The following LYRM4 variants were observed in gnomAD, a reference collection of about 807,000 sequenced individuals.
LYRM4 encodes the protein LYR motif-containing protein 4.
LYRM4 carries 9 observed loss-of-function variants against 11.7 expected under a neutral mutation model. The observed-to-expected ratio is 0.77, with a 90% CI of 0.46 to 1.34. The LOEUF (loss-of-function observed/expected upper bound fraction) is 1.34. Ranked by LOEUF, LYRM4 falls within the 40% of genes most tolerant of loss-of-function variation. The pLI is 0.00. For missense variants in LYRM4, 133 were observed against 112.5 expected (o/e 1.18, Z -0.82); for synonymous variants, 42 against 40.4 (o/e 1.04, Z -0.15).
intron 1 of LYRM4, among the ~76,000 whole-genome samples, chr6:5,222,183 T>G (rs1762619926): frequency 6.6e-6 from 1 of 152,216 alleles, no homozygotes; most frequent in Non-Finnish European, 1.5e-5. Flanking sequence ...ACTGTATGTG[T>G]CTGGTACAGA....
the LYRM4 span, chr6:5,065,884 G>T: frequency 8.4e-6 from 2 of 237,984 alleles, no homozygotes; most frequent in East Asian, 2.1e-4. Flanking sequence ...GAAGTCTTGA[G>T]GGTACATGTT....
rs570242418 is a variant in LYRM4, at chr6:5,122,632, C to A, written c.208-13141G>T. On this transcript the variant is annotated intron_variant, in intron 2 of 2. Transcript: ENST00000330636. ...CGTTGGGCTCCCTCCTCTCGCCGAC[C>A]CAGTGCTTTCCAGAAGTTTCTCTTG... Among the ~76,000 whole-genome samples the A allele has an allele frequency of 1.2e-4, 18 of 152,278 alleles. No homozygotes were observed. The South Asian group carries it at 1.7e-3, about 14-fold the overall frequency.
At chr6:5,085,525 G>A in the LYRM4 span, 2 of 1,538,694 alleles carry the variant, frequency 1.3e-6, no homozygotes, top group Non-Finnish European at 1.7e-6. Context: ...GGAGGCGCCG[G>A]GACCAGCGCC....
At chr6:5,070,054 T>C in the LYRM4 span, among the ~76,000 whole-genome samples, 1 of 152,258 alleles carries the variant, frequency 6.6e-6, no homozygotes, top group African/African-American at 2.4e-5. Context: ...TCAATGTTCA[T>C]AATGGAGCAA....
Position 5,108,524 on chromosome 6 carries a change from A to G in LYRM4, c.*899T>C, listed in dbSNP as rs1762734787. On this transcript the variant is annotated 3_prime_UTR_variant, in exon 3 of 3. Coordinates refer to ENST00000330636, the MANE Select transcript of LYRM4 (RefSeq NM_020408.6). ...AGTGGGAGAGCTTCAGAATAGAGAA[A>G]AATGACTGTGCCTCACCCCTCACTT... is the stretch of plus-strand genomic sequence containing the variant. The G allele has an allele frequency of 1.6e-6, 1 of 614,384 alleles. No homozygotes were observed. The highest frequency in any genetic ancestry group is 7.2e-5 in the South Asian group (1 of 13,968). 38.1% of individuals were successfully genotyped at this position (614,384 alleles called of 1,614,324 possible).
chr6:5,086,021 G>A, the LYRM4 span: 3 of 1,496,494 alleles, frequency 2.0e-6, no homozygotes, highest in Non-Finnish European at 2.7e-6. Flanking sequence ...CAGCTCGGGG[G>A]GCTGCTGGCC....
chr6:5,234,398 T>C (rs1581568963), intron 1 of LYRM4, among the ~76,000 whole-genome samples: 3 of 152,338 alleles, frequency 2.0e-5, no homozygotes, highest in Admixed American at 1.3e-4. Context: ...CCTTAGGCTA[T>C]AAGGATTCAA....
At chr6:5,221,498 G>T (rs1171915000) in intron 1 of LYRM4, among the ~76,000 whole-genome samples, 1 of 152,124 alleles carries the variant, frequency 6.6e-6, no homozygotes, top group Non-Finnish European at 1.5e-5. Flanking sequence ...TTTGAGACCA[G>T]CCTGGTCAAC....
the LYRM4 span, among the ~76,000 whole-genome samples, chr6:5,071,049 G>A: frequency 5.2e-4 from 79 of 151,924 alleles, no homozygotes; most frequent in Non-Finnish European, 7.7e-4. Context: ...TTACCTGGGC[G>A]TGGTAGCGGG....
the LYRM4 span, among the ~76,000 whole-genome samples, chr6:5,075,825 A>G: frequency 6.6e-6 from 1 of 152,240 alleles, no homozygotes; most frequent in East Asian, 1.9e-4. Context: ...AAATGGAAAG[A>G]TATTTGCACT....
intron 2 of LYRM4, chr6:5,136,547 T>C (rs1757111857): frequency 6.2e-6 from 6 of 964,732 alleles, no homozygotes; most frequent in Non-Finnish European, 7.4e-6. Flanking sequence ...CAATTTTACA[T>C]AAGTTAGATG....
chr6:5,235,601 C>T (rs1221043604), intron 1 of LYRM4, among the ~76,000 whole-genome samples: 1 of 152,122 alleles, frequency 6.6e-6, no homozygotes, highest in Non-Finnish European at 1.5e-5. Context: ...TTTACATATA[C>T]CTCCAATTAT....
chr6:5,198,849 A>T (rs1438765180), intron 2 of LYRM4, among the ~76,000 whole-genome samples: 1 of 152,188 alleles, frequency 6.6e-6, no homozygotes, highest in African/African-American at 2.4e-5. Context: ...TAAAAGGTAT[A>T]TCTTACACCA....
At chr6:5,107,674 G>A (rs1333727533), downstream of LYRM4, 1 of 152,220 alleles carries the variant, frequency 6.6e-6, no homozygotes, top group Non-Finnish European at 1.5e-5. Context: ...GAACTGGTTA[G>A]AGGGTAAGAG....
intron 2 of LYRM4, among the ~76,000 whole-genome samples, chr6:5,205,177 A>G (rs1400855057): frequency 1.3e-5 from 2 of 152,200 alleles, no homozygotes; most frequent in Non-Finnish European, 2.9e-5. Context: ...GCAAAGTCAC[A>G]ATAAAGTGTG....
At chr6:5,178,984 A>T (rs1020618918) in intron 2 of LYRM4, among the ~76,000 whole-genome samples, 3 of 150,236 alleles carry the variant, frequency 2.0e-5, no homozygotes, top group Middle Eastern at 3.4e-3. Context: ...TTAGAAAATG[A>T]TCTATAGGCC....
intron 2 of LYRM4, among the ~76,000 whole-genome samples, chr6:5,119,241 G>C (rs1028420091): frequency 1.3e-5 from 2 of 152,102 alleles, no homozygotes; most frequent in Non-Finnish European, 2.9e-5. Context: ...CCACTATCCC[G>C]TGTCACAGTT....
the LYRM4 span, chr6:5,086,427 C>G: frequency 3.9e-4 from 595 of 1,536,488 alleles, 2 homozygotes; most frequent in African/African-American, 7.4e-3. Flanking sequence ...AGCCTGAGGA[C>G]GAAGAGGACG....
intron 1 of LYRM4, among the ~76,000 whole-genome samples, chr6:5,253,656 C>A (rs1764535637): frequency 6.6e-6 from 1 of 152,018 alleles, no homozygotes; most frequent in Non-Finnish European, 1.5e-5. Context: ...AGATGAGGAG[C>A]CTAGTCGCCG....
Sources: allele counts gnomAD v4.1 joint callset (sites outside exome capture counted in the v4.1 genomes callset), GRCh38; gene constraint gnomAD v4.1.1; transcripts MANE v1.5; gene names NCBI Gene and HGNC (gene_info 2026-07-23, HGNC 2026-07-21).